The following KLF8 variants were observed in gnomAD, a reference collection of about 807,000 sequenced individuals.
KLF8 encodes the protein Krueppel-like factor 8.
In KLF8, 10 loss-of-function variants were observed where a neutral mutation model predicts 18.2. The observed-to-expected ratio is 0.55, with a 90% CI of 0.34 to 0.93. The LOEUF is 0.93. Ranked by LOEUF, KLF8 falls within the 40% of genes least tolerant of loss-of-function variation. The pLI, the probability that KLF8 is intolerant of heterozygous loss-of-function variation, is 0.02. For synonymous variants in KLF8, 109 were observed against 97.3 expected (o/e 1.12, Z -0.71); for missense variants, 264 against 277.9 (o/e 0.95, Z 0.36).
intron 4 of KLF8, 35 bp from the exon 5 acceptor site, chrX:56,270,147 T>A (rs2067032387): frequency 8.6e-7 from 1 of 1,163,535 alleles, no homozygotes; most frequent in East Asian, 3.1e-5. Context: ...CACTTTAAAG[T>A]CACTGTTTGG....
chrX:56,147,017 G>A, the KLF8 span, among the ~76,000 whole-genome samples: 2 of 111,934 alleles, frequency 1.8e-5, no homozygotes, highest in African/African-American at 3.2e-5. Context: ...AATGCCCGTA[G>A]GGAGTTTGAT....
At chrX:55,968,689 C>T in the KLF8 span, among the ~76,000 whole-genome samples, 1 of 111,909 alleles carries the variant, frequency 8.9e-6, no homozygotes, top group Admixed American at 9.5e-5. Flanking sequence ...TCTGCACATG[C>T]TTTCTTGCCT....
intron 2 of KLF8, among the ~76,000 whole-genome samples, chrX:56,262,653 AATT>A (rs746011852): frequency 1.0e-4 from 11 of 110,218 alleles, no homozygotes; most frequent in African/African-American, 2.0e-4. Context: ...TATTACAGTG[AATT>A]ATTATTATTA....
the KLF8 span, among the ~76,000 whole-genome samples, chrX:56,169,962 C>A: frequency 3.6e-5 from 4 of 111,330 alleles, no homozygotes; most frequent in African/African-American, 1.3e-4. Flanking sequence ...TTGTGTCACC[C>A]CACCCTCAGT....
chrX:56,270,347 AACAC>A (rs370151924), intron 5 of KLF8, 26 bp downstream of exon 5: 779 of 647,793 alleles, frequency 1.2e-3, no homozygotes, highest in Middle Eastern at 2.7e-3. Flanking sequence ...TCTCACCCCC[AACAC>A]ACACACACAC....
chrX:56,099,091 A>G, the KLF8 span, among the ~76,000 whole-genome samples: 1 of 112,141 alleles, frequency 8.9e-6, no homozygotes, highest in East Asian at 2.8e-4. Context: ...GAAACACCAC[A>G]TGCTAACAGG....
At chrX:56,037,888 G>C in the KLF8 span, among the ~76,000 whole-genome samples, 1 of 111,444 alleles carries the variant, frequency 9.0e-6, no homozygotes, top group Admixed American at 9.5e-5. Flanking sequence ...CAGTCACCCT[G>C]TTTTGCTGTC....
At chrX:56,098,938 A>T in the KLF8 span, among the ~76,000 whole-genome samples, 11 of 112,268 alleles carry the variant, frequency 9.8e-5, no homozygotes, top group East Asian at 2.8e-3. Context: ...TACAAAAAGG[A>T]TGAACTATCT....
At chrX:56,227,385 C>A (rs1305940890), upstream of KLF8, among the ~76,000 whole-genome samples, 5 of 107,035 alleles carry the variant, frequency 4.7e-5, no homozygotes, top group African/African-American at 1.0e-4. Context: ...GAGTCTCACT[C>A]TGTGGCCCAG....
At chrX:56,103,274 A>G in the KLF8 span, among the ~76,000 whole-genome samples, 6 of 110,881 alleles carry the variant, frequency 5.4e-5, no homozygotes, top group South Asian at 3.9e-4. Flanking sequence ...TGATGGGGAT[A>G]GCATTGAATC....
the KLF8 span, among the ~76,000 whole-genome samples, chrX:56,138,044 T>TAAAA: frequency 3.3e-4 from 1 of 3,016 alleles, no homozygotes; most frequent in Non-Finnish European, 6.8e-4. Context: ...CCCACAGAAA[T>TAAAA]ACAAAAAAAA....
chrX:55,928,370 T>G, the KLF8 span, among the ~76,000 whole-genome samples: 2 of 111,887 alleles, frequency 1.8e-5, no homozygotes, highest in African/African-American at 6.5e-5. Context: ...TCTTTTTTTT[T>G]CTTTTAATTA....
the KLF8 span, among the ~76,000 whole-genome samples, chrX:56,152,367 T>C: frequency 2.7e-5 from 3 of 111,156 alleles, no homozygotes; most frequent in Admixed American, 2.9e-4. Context: ...ACCTAAGCCC[T>C]GTAGACAAAT....
the KLF8 span, among the ~76,000 whole-genome samples, chrX:56,041,052 G>A: frequency 9.4e-6 from 1 of 106,757 alleles, no homozygotes; most frequent in African/African-American, 3.4e-5. Context: ...TGTGCATAGA[G>A]GTGTTTATCG....
the KLF8 span, among the ~76,000 whole-genome samples, chrX:55,944,529 G>T: frequency 9.0e-6 from 1 of 111,483 alleles, no homozygotes. Flanking sequence ...GGTCTATTGA[G>T]AGATTCAACT....
chrX:55,924,046 A>G, the KLF8 span, among the ~76,000 whole-genome samples: 1 of 110,874 alleles, frequency 9.0e-6, no homozygotes, highest in Non-Finnish European at 1.9e-5. Context: ...TGACGGTTCT[A>G]TACAAAATAA....
the KLF8 span, among the ~76,000 whole-genome samples, chrX:56,172,755 T>A: frequency 8.9e-6 from 1 of 111,928 alleles, no homozygotes; most frequent in East Asian, 2.8e-4. Flanking sequence ...CTCCACATCT[T>A]CTCCAGCACC....
chrX:56,211,842 G>T, the KLF8 span, among the ~76,000 whole-genome samples: 1 of 110,096 alleles, frequency 9.1e-6, no homozygotes, highest in Non-Finnish European at 1.9e-5. Flanking sequence ...GGTACCTGAG[G>T]TACAAGACAA....
the KLF8 span, among the ~76,000 whole-genome samples, chrX:55,929,269 C>T: frequency 2.0e-4 from 22 of 110,244 alleles, no homozygotes; most frequent in African/African-American, 7.3e-4. Flanking sequence ...GGATATTAGC[C>T]GTTTGTCAGA....
Sources: gnomAD v4.1 joint callset for allele counts (sites outside exome capture counted in the v4.1 genomes callset) on GRCh38, gnomAD v4.1.1 for gene constraint, MANE v1.5 for transcripts, NCBI Gene and HGNC (gene_info 2026-07-23, HGNC 2026-07-21) for gene names.